MAGI2: variants seen among roughly 807,000 people sequenced by gnomAD.
MAGI2 encodes the protein membrane associated guanylate kinase, WW and PDZ domain containing 2, also known as membrane-associated guanylate kinase, WW and PDZ domain-containing protein 2.
A neutral mutation model predicts 133.3 loss-of-function variants in MAGI2; 35 were observed. The ratio of observed to expected loss-of-function variants is 0.26; its 90% CI spans 0.20 to 0.35. MAGI2 has a LOEUF of 0.35. MAGI2 is among the 10% of genes least tolerant of loss of function. The pLI, the probability that MAGI2 is intolerant of heterozygous loss-of-function variation, is 1.00. For missense variants in MAGI2, 1,636 were observed against 1,863.4 expected, an observed-to-expected ratio of 0.88 and a Z score of 2.25; for synonymous variants, 729 against 710.6, an observed-to-expected ratio of 1.03 and a Z score of -0.41.
intron 13 of MAGI2, among the ~76,000 whole-genome samples, chr7:78,181,990 A>C (rs1040725279): frequency 6.6e-6 from 1 of 152,226 alleles, no homozygotes; most frequent in Non-Finnish European, 1.5e-5. Flanking sequence ...AGAAATGCAA[A>C]GAACAACATT....
At chr7:78,565,456 A>AC (rs1800847416) in intron 3 of MAGI2, among the ~76,000 whole-genome samples, 1 of 149,960 alleles carries the variant, frequency 6.7e-6, no homozygotes, top group African/African-American at 2.5e-5. Flanking sequence ...ACAGAGTGAG[A>AC]CCCCATCTCT....
intron 2 of MAGI2, among the ~76,000 whole-genome samples, chr7:78,719,339 T>C (rs1022771609): frequency 1.3e-5 from 2 of 152,030 alleles, no homozygotes; most frequent in Middle Eastern, 6.3e-3. Flanking sequence ...GCTTATCAAA[T>C]AGCTTCCCTT....
At chr7:78,336,941 C>T (rs954879079) in intron 9 of MAGI2, among the ~76,000 whole-genome samples, 1 of 152,070 alleles carries the variant, frequency 6.6e-6, no homozygotes, top group African/African-American at 2.4e-5. Context: ...CTAATTCAAC[C>T]CCTGCCTATG....
intron 2 of MAGI2, among the ~76,000 whole-genome samples, chr7:78,905,984 T>C (rs1162045925): frequency 6.6e-6 from 1 of 152,018 alleles, no homozygotes; most frequent in Non-Finnish European, 1.5e-5. Context: ...TAGCAGCAAG[T>C]CTTCAGTATT....
intron 1 of MAGI2, among the ~76,000 whole-genome samples, chr7:79,072,500 CT>C (rs1815078564): frequency 6.6e-6 from 1 of 152,050 alleles, no homozygotes; most frequent in African/African-American, 2.4e-5. Context: ...ATTTTCCTTT[CT>C]AATTTCTGGT....
At chr7:78,814,576 A>G (rs1789393433) in intron 2 of MAGI2, among the ~76,000 whole-genome samples, 1 of 152,130 alleles carries the variant, frequency 6.6e-6, no homozygotes, top group Admixed American at 6.6e-5. Flanking sequence ...TATTATTCTT[A>G]TTTTTTGATA....
chr7:78,648,542 A>G (rs542574180), intron 2 of MAGI2, among the ~76,000 whole-genome samples: 8 of 152,302 alleles, frequency 5.3e-5, no homozygotes, highest in African/African-American at 1.7e-4. Context: ...ATCATCTAGC[A>G]TATGTGCTCT....
At chr7:78,755,278 C>T (rs1015512734) in intron 2 of MAGI2, among the ~76,000 whole-genome samples, 1 of 152,124 alleles carries the variant, frequency 6.6e-6, no homozygotes, top group Non-Finnish European at 1.5e-5. Context: ...TCTAGTTTGG[C>T]CTCAGTGGTA....
chr7:78,889,578 A>T (rs1796566607), intron 2 of MAGI2, among the ~76,000 whole-genome samples: 1 of 152,230 alleles, frequency 6.6e-6, no homozygotes, highest in South Asian at 2.1e-4. Context: ...AATATTTAAC[A>T]TTCTTAAAGA....
At chr7:78,683,158 G>A (rs1815880913) in intron 2 of MAGI2, among the ~76,000 whole-genome samples, 2 of 152,150 alleles carry the variant, frequency 1.3e-5, no homozygotes, top group South Asian at 2.1e-4. Context: ...GTCCTGAAGT[G>A]TTTATAGTGA....
intron 2 of MAGI2, among the ~76,000 whole-genome samples, chr7:78,711,602 A>G (rs996399469): frequency 2.6e-5 from 2 of 76,274 alleles, no homozygotes; most frequent in Non-Finnish European, 5.2e-5. Context: ...AGGACTGACG[A>G]TGGAGTCTTT....
chr7:78,953,179 T>A (rs531247501), intron 2 of MAGI2, among the ~76,000 whole-genome samples: 1 of 152,158 alleles, frequency 6.6e-6, no homozygotes, highest in Non-Finnish European at 1.5e-5. Context: ...ACTGAAAACA[T>A]CACCATCTTC....
At chr7:78,651,683 A>C (rs1284939416) in intron 2 of MAGI2, among the ~76,000 whole-genome samples, 1 of 152,164 alleles carries the variant, frequency 6.6e-6, no homozygotes, top group Non-Finnish European at 1.5e-5. Context: ...AATTAGAATA[A>C]AATGATGATC....
intron 2 of MAGI2, among the ~76,000 whole-genome samples, chr7:78,895,747 T>A (rs1359429351): frequency 6.6e-6 from 1 of 152,218 alleles, no homozygotes; most frequent in African/African-American, 2.4e-5. Flanking sequence ...CATGGTCAAC[T>A]CGATTCACTT....
At chr7:78,653,013 G>A (rs566646871) in intron 2 of MAGI2, among the ~76,000 whole-genome samples, 17 of 151,764 alleles carry the variant, frequency 1.1e-4, no homozygotes, top group East Asian at 5.8e-4. Context: ...ACATTTATGC[G>A]GTCAACAAAC....
chr7:78,111,072 G>GAGA, intron 20 of MAGI2, among the ~76,000 whole-genome samples: 1 of 152,136 alleles, frequency 6.6e-6, no homozygotes, highest in Non-Finnish European at 1.5e-5. Flanking sequence ...TAGGTCTGGG[G>GAGA]GAGAGATGGA....
At chr7:79,245,270 A>C (rs777902965) in intron 1 of MAGI2, among the ~76,000 whole-genome samples, 2 of 152,208 alleles carry the variant, frequency 1.3e-5, no homozygotes, top group Non-Finnish European at 2.9e-5. Flanking sequence ...AGGGGACTTC[A>C]TCTGTCAGCA....
chr7:79,226,742 C>T (rs1312704262), intron 1 of MAGI2, among the ~76,000 whole-genome samples: 1 of 152,046 alleles, frequency 6.6e-6, no homozygotes, highest in Non-Finnish European at 1.5e-5. Context: ...CTACTCCTAG[C>T]TCATAGTATT....
chr7:79,219,980 C>T (rs848817), intron 1 of MAGI2, among the ~76,000 whole-genome samples: 112,409 of 151,830 alleles, frequency 0.74, 43,844 homozygotes, highest in Non-Finnish European at 0.85. Flanking sequence ...CCTCACAATA[C>T]TCATATGGGG....
Sources: allele counts gnomAD v4.1 joint callset (sites outside exome capture counted in the v4.1 genomes callset), GRCh38; gene constraint gnomAD v4.1.1; transcripts MANE v1.5; gene names NCBI Gene and HGNC (gene_info 2026-07-23, HGNC 2026-07-21).